SPIDR: variants seen among roughly 807,000 people sequenced by gnomAD.
SPIDR encodes the protein scaffold protein involved in DNA repair, also known as DNA repair-scaffolding protein.
Under a neutral mutation model 104.6 loss-of-function variants are expected in SPIDR, and 93 were observed. That is an observed-to-expected ratio of 0.89 (90% CI 0.75 to 1.06). The LOEUF (loss-of-function observed/expected upper bound fraction) is 1.06. Ranked by LOEUF, SPIDR falls within the 50% of genes least tolerant of loss-of-function variation. The pLI is 0.00. For synonymous variants in SPIDR, 431 were observed against 416.9 expected, an observed-to-expected ratio of 1.03 and a Z score of -0.41; for missense variants, 1,154 against 1,111.2, an observed-to-expected ratio of 1.04 and a Z score of -0.55.
chr8:47,597,050 T>C (rs1476378498), intron 9 of SPIDR, among the ~76,000 whole-genome samples: 1 of 152,202 alleles, frequency 6.6e-6, no homozygotes, highest in African/African-American at 2.4e-5. Flanking sequence ...AGTACCTGTC[T>C]AAGGATGTTT....
chr8:47,718,881 G>T (rs1048819251), intron 16 of SPIDR, among the ~76,000 whole-genome samples: 15 of 151,998 alleles, frequency 9.9e-5, no homozygotes, highest in Non-Finnish European at 1.3e-4. Flanking sequence ...CATCACCCAG[G>T]TATTAAGCCC....
intron 5 of SPIDR, among the ~76,000 whole-genome samples, chr8:47,317,093 C>T (rs1186751657): frequency 3.9e-5 from 6 of 152,154 alleles, no homozygotes; most frequent in East Asian, 1.9e-4. Flanking sequence ...TGGGGAGTGT[C>T]GGAAAGTTGG....
chr8:47,497,613 G>A (rs1296748118), intron 8 of SPIDR, among the ~76,000 whole-genome samples: 1 of 152,142 alleles, frequency 6.6e-6, no homozygotes, highest in Non-Finnish European at 1.5e-5. Flanking sequence ...CATATGGTCT[G>A]TTTGGGAGAA....
chr8:47,507,178 C>G (rs2081609524), intron 8 of SPIDR, among the ~76,000 whole-genome samples: 1 of 152,200 alleles, frequency 6.6e-6, no homozygotes, highest in African/African-American at 2.4e-5. Context: ...CAGTCTTCTT[C>G]CTCCTTTGTC....
chr8:47,361,723 G>A (rs1362422735), intron 5 of SPIDR, among the ~76,000 whole-genome samples: 1 of 152,200 alleles, frequency 6.6e-6, no homozygotes, highest in African/African-American at 2.4e-5. Flanking sequence ...GCCATGCTGA[G>A]CAGCAGGCTT....
chr8:47,707,878 T>C (rs1481665027), intron 14 of SPIDR, among the ~76,000 whole-genome samples: 3 of 152,250 alleles, frequency 2.0e-5, no homozygotes. Flanking sequence ...AAATTGCTGT[T>C]GCACTTTTGT....
intron 8 of SPIDR, among the ~76,000 whole-genome samples, chr8:47,512,978 CTGA>C (rs1356417870): frequency 6.6e-6 from 1 of 152,210 alleles, no homozygotes; most frequent in Non-Finnish European, 1.5e-5. Flanking sequence ...AAGCAGCTTT[CTGA>C]CTGTAAAAGC....
intron 5 of SPIDR, among the ~76,000 whole-genome samples, chr8:47,300,879 A>G (rs968449813): frequency 4.6e-5 from 7 of 152,076 alleles, no homozygotes; most frequent in Non-Finnish European, 1.0e-4. Context: ...TATGTGGTCA[A>G]TTTGGAATAG....
At chr8:47,694,253 T>A (rs1355510387) in intron 11 of SPIDR, among the ~76,000 whole-genome samples, 4 of 152,184 alleles carry the variant, frequency 2.6e-5, no homozygotes, top group Non-Finnish European at 5.9e-5. Flanking sequence ...AAATAGGAAA[T>A]TGTTTCTTAG....
At chr8:47,409,660 T>G (rs2063233213) in intron 7 of SPIDR, among the ~76,000 whole-genome samples, 1 of 152,236 alleles carries the variant, frequency 6.6e-6, no homozygotes, top group African/African-American at 2.4e-5. Flanking sequence ...ATCACTCAAC[T>G]GTTATGTTCT....
chr8:47,352,274 TCAA>T (rs1447388985), intron 5 of SPIDR, among the ~76,000 whole-genome samples: 15 of 94,504 alleles, frequency 1.6e-4, no homozygotes, highest in African/African-American at 4.1e-4. Context: ...AGACTCCATC[TCAA>T]CAAAAAAAAA....
chr8:47,499,718 A>G (rs957450869), intron 8 of SPIDR, among the ~76,000 whole-genome samples: 1 of 152,182 alleles, frequency 6.6e-6, no homozygotes, highest in East Asian at 1.9e-4. Flanking sequence ...TACATGTGCC[A>G]TGTCGGTATG....
chr8:47,477,900 C>A (rs944643262), intron 8 of SPIDR, among the ~76,000 whole-genome samples: 2 of 152,032 alleles, frequency 1.3e-5, no homozygotes, highest in Non-Finnish European at 2.9e-5. Context: ...AGGGGAGGCA[C>A]CCCCAGGAAA....
At chr8:47,570,599 CTA>C (rs2058395160) in intron 8 of SPIDR, among the ~76,000 whole-genome samples, 1 of 152,044 alleles carries the variant, frequency 6.6e-6, no homozygotes, top group African/African-American at 2.4e-5. Flanking sequence ...TCAAAAGACA[CTA>C]TCAAGAAAGT....
At chr8:47,649,461 C>T (rs969525158) in intron 10 of SPIDR, among the ~76,000 whole-genome samples, 5 of 152,162 alleles carry the variant, frequency 3.3e-5, no homozygotes, top group Admixed American at 6.5e-5. Flanking sequence ...CCATTCCAGA[C>T]TGCAGAGTAT....
chr8:47,696,127 G>C (rs540308348), intron 11 of SPIDR, among the ~76,000 whole-genome samples: 2 of 152,172 alleles, frequency 1.3e-5, no homozygotes, highest in Non-Finnish European at 2.9e-5. Context: ...CTTTCTTGTC[G>C]CACGATGGGA....
At chr8:47,598,303 G>T (rs1231425304) in intron 9 of SPIDR, among the ~76,000 whole-genome samples, 15 of 152,170 alleles carry the variant, frequency 9.9e-5, no homozygotes, top group Admixed American at 9.8e-4. Context: ...AAGATCTGTG[G>T]TCTCTATGTC....
intron 8 of SPIDR, among the ~76,000 whole-genome samples, chr8:47,573,551 G>GT (rs1330801951): frequency 6.6e-6 from 1 of 152,214 alleles, no homozygotes; most frequent in Non-Finnish European, 1.5e-5. Context: ...CCAGGTCTAT[G>GT]TTCCATCCTC....
chr8:47,727,753 G>A (rs1368260568), intron 17 of SPIDR, among the ~76,000 whole-genome samples: 1 of 152,204 alleles, frequency 6.6e-6, no homozygotes, highest in Non-Finnish European at 1.5e-5. Context: ...TCCCTATGAA[G>A]TCAGTCCTCC....
Sources: gnomAD v4.1 joint callset for allele counts (sites outside exome capture counted in the v4.1 genomes callset) on GRCh38, gnomAD v4.1.1 for gene constraint, MANE v1.5 for transcripts, NCBI Gene and HGNC (gene_info 2026-07-23, HGNC 2026-07-21) for gene names.